EML6: variants seen among roughly 807,000 people sequenced by gnomAD.
EML6 encodes echinoderm microtubule-associated protein-like 6.
In EML6, 154 loss-of-function variants were observed where a neutral mutation model predicts 240.1. The observed-to-expected ratio is 0.64, with a 90% CI of 0.56 to 0.73. The LOEUF is 0.73. Ranked by LOEUF, EML6 falls within the 30% of genes least tolerant of loss-of-function variation. EML6 has a pLI of 0.00. For missense variants in EML6, 2,964 were observed against 2,474.6 expected, an observed-to-expected ratio of 1.20 and a Z score of -4.20; for synonymous variants, 1,148 against 899.0, an observed-to-expected ratio of 1.28 and a Z score of -4.95.
At chr2:54,847,411 C>T in intron 8 of EML6, 75 bp from the exon 9 acceptor site, 3 of 1,475,144 alleles carry the variant, frequency 2.0e-6, no homozygotes, top group Admixed American at 4.0e-5. Context: ...TGGTGAGCAG[C>T]CCTTCTTGCC....
chr2:54,969,457 C>T (rs1406022721), intron 41 of EML6, among the ~76,000 whole-genome samples: 1 of 152,204 alleles, frequency 6.6e-6, no homozygotes, highest in Non-Finnish European at 1.5e-5. Context: ...TGGGAGCCCC[C>T]ATCTCCAGCC....
chr2:54,827,662 G>A lies in EML6; in HGVS notation c.622G>A (p.Glu208Lys). Residue 208 changes from glutamate (E) to lysine (K), a missense_variant, in exon 6 of 42, where the codon GAA (glutamate) becomes AAA (lysine). Glu to Lys is a moderately conservative substitution (Grantham distance 56). Coordinates refer to ENST00000356458, the MANE Select transcript of EML6 (RefSeq NM_001039753.4). ...QTILCLACAK[E>K]DITYSGALNG... ...CATCCTTTGCCTTGCATGTGCCAAA[G>A]AAGACATCACCTACTCTGGTGCTTT... The A allele has an allele frequency of 6.4e-7, 1 of 1,551,706 alleles. No individual in the cohort carries two copies. The highest frequency in any genetic ancestry group is 8.7e-7 in the Non-Finnish European group (1 of 1,146,964).
At chr2:54,871,668 A>G in intron 16 of EML6, 63 bp downstream of exon 16, 1 of 1,230,520 alleles carries the variant, frequency 8.1e-7, no homozygotes, top group East Asian at 2.5e-5. Context: ...CAGAGAGAGT[A>G]TGCCCCGCGC....
chr2:54,901,629 T>A (rs1673060494), intron 22 of EML6, among the ~76,000 whole-genome samples: 1 of 152,224 alleles, frequency 6.6e-6, no homozygotes, highest in Non-Finnish European at 1.5e-5. Flanking sequence ...TACGATAGAT[T>A]GTGATTAACC....
At chr2:54,768,982 G>A (rs1215778092) in intron 2 of EML6, among the ~76,000 whole-genome samples, 1 of 152,160 alleles carries the variant, frequency 6.6e-6, no homozygotes, top group African/African-American at 2.4e-5. Flanking sequence ...CTTTGCATAA[G>A]ATTTTGTCTG....
intron 2 of EML6, among the ~76,000 whole-genome samples, chr2:54,785,405 C>T (rs1669037006): frequency 6.6e-6 from 1 of 152,010 alleles, no homozygotes; most frequent in Non-Finnish European, 1.5e-5. Flanking sequence ...GAACTCCGGA[C>T]CTCAAGTGAT....
At chr2:54,816,501 G>C (rs1410368484) in intron 3 of EML6, among the ~76,000 whole-genome samples, 2 of 152,186 alleles carry the variant, frequency 1.3e-5, no homozygotes, top group African/African-American at 2.4e-5. Context: ...TGTTTCTGTA[G>C]TTTCTATTGA....
chr2:54,851,144 C>T (rs1191751047), intron 10 of EML6, among the ~76,000 whole-genome samples: 1 of 152,154 alleles, frequency 6.6e-6, no homozygotes, highest in African/African-American at 2.4e-5. Flanking sequence ...CATGGTGGCT[C>T]ATGCCTGTAA....
intron 9 of EML6, 132 bp downstream of exon 9, chr2:54,847,755 ACGATCCC>A: frequency 1.1e-5 from 9 of 791,082 alleles, no homozygotes; most frequent in South Asian, 1.1e-4. Context: ...CTATAGATCT[ACGATCCC>A]CTATCTGTAA....
In EML6 at chr2:54,724,951, A is replaced by T; in HGVS notation, c.-111A>T. On this transcript the variant is annotated 5_prime_UTR_variant, in exon 2 of 42. Coordinates refer to ENST00000356458, the MANE Select transcript of EML6 (RefSeq NM_001039753.4). This position sits in a 1 kb window ranked among gnomAD's most constrained non-coding sequence, Gnocchi z 5.2. The stretch of plus-strand genomic sequence containing the variant: ...GCTGTGCCTGTGTGTCGCCGCGGAA[A>T]TCAGCGCCCTGCGCCGCGCGCTGAG... 1 of 890,300 alleles carries T rather than the reference A, an allele frequency of 1.1e-6. No individual in the cohort carries two copies. Among genetic ancestry groups the T allele is most frequent in the Non-Finnish European group, 1.5e-6 (1 of 681,370 alleles). The allele number at this position is 890,300 out of a possible 1,614,324, so 55.2% of individuals were successfully genotyped here.
At chr2:54,748,433 T>C (rs992957923) in intron 2 of EML6, 2 of 152,214 alleles carry the variant, frequency 1.3e-5, no homozygotes, top group African/African-American at 4.8e-5. Flanking sequence ...TCTTGTTTGC[T>C]GTCTTCATCA....
chr2:54,879,751 G>A (rs766011028), intron 17 of EML6, 111 bp downstream of exon 17: 32 of 717,192 alleles, frequency 4.5e-5, no homozygotes, highest in Admixed American at 1.4e-4. Flanking sequence ...TGAAATTGAC[G>A]TAGAAGGCTT....
chr2:54,855,974 G>C (rs1270535262), intron 11 of EML6, among the ~76,000 whole-genome samples: 1 of 152,214 alleles, frequency 6.6e-6, no homozygotes, highest in Non-Finnish European at 1.5e-5. Flanking sequence ...ACCATGAGCA[G>C]TTGTGGGAAA....
intron 2 of EML6, among the ~76,000 whole-genome samples, chr2:54,776,684 C>T (rs1301061037): frequency 2.6e-5 from 4 of 152,098 alleles, no homozygotes; most frequent in Non-Finnish European, 5.9e-5. Context: ...CACATGTATT[C>T]CCTGAATCTA....
chr2:54,909,911 T>C (rs906507641), intron 24 of EML6, among the ~76,000 whole-genome samples: 1 of 151,446 alleles, frequency 6.6e-6, no homozygotes, highest in Non-Finnish European at 1.5e-5. Flanking sequence ...GTGGTGCCTA[T>C]TTAAATGCTA....
chr2:54,904,562 C>G (rs1001876660), intron 24 of EML6, among the ~76,000 whole-genome samples: 1 of 151,982 alleles, frequency 6.6e-6, no homozygotes, highest in Non-Finnish European at 1.5e-5. Flanking sequence ...CCATTCCAGG[C>G]AAAAGGAATA....
intron 17 of EML6, among the ~76,000 whole-genome samples, chr2:54,889,877 C>G (rs1672373849): frequency 6.6e-6 from 1 of 152,086 alleles, no homozygotes; most frequent in African/African-American, 2.4e-5. Flanking sequence ...TGTGCACACA[C>G]AAATATGACG....
At chr2:54,955,474 G>A (rs1226402447) in intron 32 of EML6, among the ~76,000 whole-genome samples, 3 of 152,204 alleles carry the variant, frequency 2.0e-5, no homozygotes, top group Non-Finnish European at 4.4e-5. Context: ...CTGTCAGAAA[G>A]CTCTTGCGTA....
At chr2:54,943,704 T>G (rs1220596944) in intron 28 of EML6, among the ~76,000 whole-genome samples, 2 of 152,154 alleles carry the variant, frequency 1.3e-5, no homozygotes, top group Admixed American at 6.5e-5. Context: ...GCCACGTGTA[T>G]AAATTTTCTA....
Sources: gnomAD v4.1 joint callset for allele counts (sites outside exome capture counted in the v4.1 genomes callset) on GRCh38, gnomAD v4.1.1 for gene constraint, Gnocchi (gnomAD v3.1) non-coding constraint, MANE v1.5 for transcripts, NCBI Gene and HGNC (gene_info 2026-07-23, HGNC 2026-07-21) for gene names.